The following SIGLEC14 variants were observed in gnomAD, a reference collection of about 807,000 sequenced individuals.
The protein encoded by SIGLEC14 is sialic acid binding Ig like lectin 14, also known as sialic acid-binding Ig-like lectin 14.
Under a neutral mutation model 34.2 loss-of-function variants are expected in SIGLEC14, and 11 were observed. The observed-to-expected ratio is 0.32, with a 90% confidence interval of 0.20 to 0.53. SIGLEC14 has a LOEUF of 0.53. SIGLEC14 is among the 20% of genes least tolerant of loss of function. SIGLEC14 has a pLI of 0.95. For missense variants in SIGLEC14, 264 were observed against 439.0 expected, an observed-to-expected ratio of 0.60 and a Z score of 3.56; for synonymous variants, 99 against 179.7, an observed-to-expected ratio of 0.55 and a Z score of 3.59.
At chr19:51,645,346 G>T in intron 4 of SIGLEC14, 131 bp downstream of exon 4, 2 of 731,488 alleles carry the variant, frequency 2.7e-6, no homozygotes, top group South Asian at 1.7e-5. Flanking sequence ...GACTGGGATT[G>T]GGGGGTTGGG....
Position 51,640,817 on chromosome 19 carries a change from CA to C in SIGLEC14, c.*2537del, listed in dbSNP as rs1257886981. On this transcript the variant is annotated 3_prime_UTR_variant, in exon 7 of 7. Transcript: ENST00000360844. ...GGTGAAACCTTGTCTCTACTAAATACAAAAAAAACTAGCCAGGCGTGATGGT... is the reference window on the plus strand; with the variant it reads ...GGTGAAACCTTGTCTCTACTAAATACAAAAAAACTAGCCAGGCGTGATGGT... Among the ~76,000 whole-genome samples the C allele has an allele frequency of 3.6e-5, 5 of 137,000 alleles. No homozygotes were observed. Among genetic ancestry groups the C allele is most frequent in the South Asian group, 2.5e-4 (1 of 4,008 alleles). 89.9% of individuals were successfully genotyped at this position (137,000 alleles called of 152,430 possible). A position where few individuals can be genotyped will look rare whatever the true frequency, so the allele number is the denominator to read the frequency against.
At position 51,640,276 on chromosome 19, in the gene SIGLEC14, C is replaced by T. The variant is rs76083662; in HGVS notation, c.*3079G>A. Among the ~76,000 whole-genome samples, 7,071 of 138,534 alleles carry T rather than the reference C, an allele frequency of 0.051. 1,141 individuals are homozygous for T. The highest frequency in any genetic ancestry group is 0.14 in the South Asian group (554 of 4,082). The allele number at this position is 138,534 out of a possible 152,430, so 90.9% of individuals were successfully genotyped here. ...GGATAAAAGAAAATAGATTCTGGAA[C>T]GGGAGTCAATATTTGGGGAAAGGCA... On this transcript the variant is annotated 3_prime_UTR_variant, in exon 7 of 7. Transcript: ENST00000360844.
rs143608387 is a variant in SIGLEC14, at chr19:51,640,270, C to G, written c.*3085G>C. On this transcript the variant is annotated 3_prime_UTR_variant, in exon 7 of 7. Transcript: ENST00000360844. ...GAAATGGGATAAAAGAAAATAGATT[C>G]TGGAACGGGAGTCAATATTTGGGGA... 3.2e-3 allele frequency among the ~76,000 whole-genome samples: 440 copies of G among 139,110 alleles called. 63 individuals are homozygous for G. Among genetic ancestry groups the G allele is most frequent in the South Asian group, 9.5e-3 (39 of 4,100 alleles). 91.3% of individuals were successfully genotyped at this position (139,110 alleles called of 152,430 possible). A position where few individuals can be genotyped will look rare whatever the true frequency, so the allele number is the denominator to read the frequency against.
At position 51,645,530 on chromosome 19, in the gene SIGLEC14, T is replaced by C; in HGVS notation, c.701A>G (p.Tyr234Cys). The C allele has an allele frequency of 6.5e-7, 1 of 1,531,850 alleles. No individual in the cohort carries two copies. Among genetic ancestry groups the C allele is most frequent in the South Asian group, 1.2e-5 (1 of 83,226 alleles). 94.9% of individuals were successfully genotyped at this position (1,531,850 alleles called of 1,614,324 possible). A position where few individuals can be genotyped will look rare whatever the true frequency, so the allele number is the denominator to read the frequency against. The change falls in exon 4 of 7, where the codon TAT becomes TGT. Residue 234 changes from tyrosine (Y) to cysteine (C), a missense_variant and splice_region_variant. By Grantham distance (194) the Tyr-to-Cys change is radical. Around this residue, in one of 5 missense-constraint regions of SIGLEC14, gnomAD observed 45 missense variants for 96.7 expected, o/e 0.47. Transcript: ENST00000360844. ...GCTGATGGCGAGGTTCTGTGGAGCA[T>C]CTGGGATAGAAAGATACAGCACCAG... is the stretch of plus-strand genomic sequence containing the variant. The part of the protein sequence containing the change: ...TERTVQLNVS[Y>C]APQNLAISIF...
Position 51,643,805 on chromosome 19 carries a change from T to A in SIGLEC14, c.986A>T (p.His329Leu), listed in dbSNP as rs766785830. Residue 329 changes from histidine to leucine, a missense_variant, in exon 5 of 7, where the codon CAC (histidine) becomes CTC (leucine). His to Leu is a moderately conservative substitution (Grantham distance 99). Transcript: ENST00000360844. ...CTGCACAGAAAGGATGAAGGACAGG[T>A]GCTGGGAGCCCAGCGGATGCTGAAC... is the stretch of plus-strand genomic sequence containing the variant. ...CRVQHPLGSQ[H>L]LSFILSVQRS... The A allele has an allele frequency of 1.3e-6, 2 of 1,525,108 alleles. No individual in the cohort carries two copies. Among genetic ancestry groups the A allele is most frequent in the Non-Finnish European group, 1.8e-6 (2 of 1,136,090 alleles). The allele number at this position is 1,525,108 out of a possible 1,614,324, so 94.5% of individuals were successfully genotyped here.
intron 6 of SIGLEC14, 57 bp from the exon 7 acceptor site, chr19:51,643,454 G>A: frequency 7.1e-7 from 1 of 1,415,310 alleles, no homozygotes; most frequent in Non-Finnish European, 9.3e-7. Flanking sequence ...CTAATTCCAG[G>A]TGGGGCTGAG....
In SIGLEC14 at chr19:51,643,622, G is replaced by A; in HGVS notation, c.1063C>T (p.Pro355Ser). ...CCCCTGATCAGGGTGAGGACGAGGGGCCAGGAGCCCTGCTGTTTCTCAGTT... is the reference window on the plus strand; with the variant it reads ...CCCCTGATCAGGGTGAGGACGAGGGACCAGGAGCCCTGCTGTTTCTCAGTT... ...CVTEKQQGSW[P>S]LVLTLIRGAL... Residue 355 changes from proline (P) to serine (S), a missense_variant, in exon 6 of 7, where the codon CCC becomes TCC. By Grantham distance (74) the Pro-to-Ser change is moderately conservative. Transcript: ENST00000360844. The A allele has an allele frequency of 6.5e-7, 1 of 1,531,018 alleles. No individual in the cohort carries two copies. Among genetic ancestry groups the A allele is most frequent in the South Asian group, 1.2e-5 (1 of 83,198 alleles). The allele number at this position is 1,531,018 out of a possible 1,614,324, so 94.8% of individuals were successfully genotyped here. A position where few individuals can be genotyped will look rare whatever the true frequency, so the allele number is the denominator to read the frequency against.
chr19:51,644,257 A>G (rs1338619672), intron 4 of SIGLEC14, among the ~76,000 whole-genome samples: 1 of 138,090 alleles, frequency 7.2e-6, no homozygotes, highest in African/African-American at 2.8e-5. Flanking sequence ...CACATTAAGG[A>G]GAAGTGGATG....
rs1247473120 is a variant in SIGLEC14 at position 51,645,765 on chromosome 19, T to C, written c.700+17A>G. On this transcript the variant is annotated intron_variant, in intron 3 of 6. Transcript: ENST00000360844. ...CACTGCCCTTGGGGACTCAGCTGTG[T>C]CCCCAGCACCACTCACAGGAGACAT... The C allele has an allele frequency of 6.6e-7, 1 of 1,522,218 alleles. No homozygotes were observed. Among genetic ancestry groups the C allele is most frequent in the Admixed American group, 1.8e-5 (1 of 57,030 alleles). 94.3% of individuals were successfully genotyped at this position (1,522,218 alleles called of 1,614,324 possible). A position where few individuals can be genotyped will look rare whatever the true frequency, so the allele number is the denominator to read the frequency against.
rs767307135 is a variant in SIGLEC14 at position 51,643,439 on chromosome 19, C to T, written c.1149-42G>A. On this transcript the variant is annotated intron_variant, in intron 6 of 6. Coordinates refer to ENST00000360844, the MANE Select transcript of SIGLEC14 (RefSeq NM_001098612.3). ...GGCCTCAGATCAGCACCAGCCACTT[C>T]AGTTCTAATTCCAGGTGGGGCTGAG... 7 of 1,448,392 alleles carry T rather than the reference C, an allele frequency of 4.8e-6. 1 individual carries two copies. The highest frequency in any genetic ancestry group is 6.4e-6 in the Non-Finnish European group (7 of 1,098,512). 89.7% of individuals were successfully genotyped at this position (1,448,392 alleles called of 1,614,324 possible).
Position 51,640,930 on chromosome 19 carries a change from G to A in SIGLEC14, c.*2425C>T, listed in dbSNP as rs189046164. ...GCGGAGGTTGCAGTGAGCCAAGATC[G>A]CGCCATTGCACTCCAGCCTGGGCAA... is the stretch of plus-strand genomic sequence containing the variant. On this transcript the variant is annotated 3_prime_UTR_variant, in exon 7 of 7. Transcript: ENST00000360844. 0.011 allele frequency among the ~76,000 whole-genome samples: 1,524 copies of A among 139,002 alleles called. 212 individuals carry two copies. Among genetic ancestry groups the A allele is most frequent in the Non-Finnish European group, 0.017 (1,112 of 64,874 alleles). The allele number at this position is 139,002 out of a possible 152,430, so 91.2% of individuals were successfully genotyped here.
Position 51,640,572 on chromosome 19 carries a change from A to G in SIGLEC14, c.*2783T>C, listed in dbSNP as rs78196455. ...CTTAAAGGATGTGAAAATGCATACT[A>G]TGCAAATACTAGTCAAAAGAAAACT... On this transcript the variant is annotated 3_prime_UTR_variant, in exon 7 of 7. Coordinates refer to ENST00000360844, the MANE Select transcript of SIGLEC14 (RefSeq NM_001098612.3). 4.9e-3 allele frequency among the ~76,000 whole-genome samples: 689 copies of G among 139,994 alleles called. 112 individuals are homozygous for G. The highest frequency in any genetic ancestry group is 0.018 in the African/African-American group (660 of 37,032). 91.8% of individuals were successfully genotyped at this position (139,994 alleles called of 152,430 possible).
intron 6 of SIGLEC14, 67 bp downstream of exon 6, chr19:51,643,470 C>G: frequency 1.5e-6 from 2 of 1,290,872 alleles, no homozygotes; most frequent in Non-Finnish European, 2.0e-6. Context: ...CTGAGCTGTC[C>G]TGGGGCAGGA....
In SIGLEC14 at chr19:51,640,228, G is replaced by GA. The variant is rs985029536; in HGVS notation, c.*3126dup. Among the ~76,000 whole-genome samples the GA allele has an allele frequency of 2.2e-5, 3 of 138,502 alleles. No individual in the cohort carries two copies. The highest frequency in any genetic ancestry group is 7.0e-5 in the Admixed American group (1 of 14,354). 90.9% of individuals were successfully genotyped at this position (138,502 alleles called of 152,430 possible). ...TTACAAGTTATAAGCTTTGAATGGG[G>GA]AAAAAAAACTACTTGGGAAATGGGA... On this transcript the variant is annotated 3_prime_UTR_variant, in exon 7 of 7. Coordinates refer to ENST00000360844, the MANE Select transcript of SIGLEC14 (RefSeq NM_001098612.3).
At chr19:51,645,079 G>C (rs1253345750) in intron 4 of SIGLEC14, among the ~76,000 whole-genome samples, 2 of 138,390 alleles carry the variant, frequency 1.4e-5, no homozygotes, top group South Asian at 2.5e-4. Context: ...CTGCTCGGTG[G>C]CAGGAGGGGG....
In SIGLEC14 at chr19:51,644,940, A is replaced by G. The variant is rs1281572688; in HGVS notation, c.754+537T>C. Among the ~76,000 whole-genome samples the G allele has an allele frequency of 5.8e-5, 8 of 137,314 alleles. 3 individuals carry two copies. The East Asian group carries it at 2.4e-3, about 42-fold the overall frequency. The allele number at this position is 137,314 out of a possible 152,430, so 90.1% of individuals were successfully genotyped here. On this transcript the variant is annotated intron_variant, in intron 4 of 6. Coordinates refer to ENST00000360844, the MANE Select transcript of SIGLEC14 (RefSeq NM_001098612.3). The stretch of plus-strand genomic sequence containing the variant: ...GAGGTGGGAAAGTCGAAGGCTCCCA[A>G]AAAGGACGATCAGTTAGAGATGAAG...
Position 51,643,819 on chromosome 19 carries a change from C to T in SIGLEC14, c.972G>A (p.Pro324=), listed in dbSNP as rs755305403. 7 of 1,527,986 alleles carry T rather than the reference C, an allele frequency of 4.6e-6. 1 individual carries two copies. Among genetic ancestry groups the T allele is most frequent in the South Asian group, 1.2e-5 (1 of 82,546 alleles). 94.7% of individuals were successfully genotyped at this position (1,527,986 alleles called of 1,614,324 possible). A position where few individuals can be genotyped will look rare whatever the true frequency, so the allele number is the denominator to read the frequency against. The part of the protein sequence containing the change: ...GGEFTCRVQH[P]LGSQHLSFIL... ...TGAAGGACAGGTGCTGGGAGCCCAG[C>T]GGATGCTGAACCCGGCAGGTGAATT... The change falls in exon 5 of 7, where the codon CCG becomes CCA. Residue 324 remains proline (P), a synonymous_variant. Transcript: ENST00000360844.
Position 51,641,365 on chromosome 19 carries a change from T to C in SIGLEC14, c.*1990A>G, listed in dbSNP as rs1050180425. ...GTGAAAGTGAAAGTTAGTTCAGCCATTGTGGAAGACAGTGTGGCGATTCCT... is the reference window on the plus strand; with the variant it reads ...GTGAAAGTGAAAGTTAGTTCAGCCACTGTGGAAGACAGTGTGGCGATTCCT... On this transcript the variant is annotated 3_prime_UTR_variant, in exon 7 of 7. Coordinates refer to ENST00000360844, the MANE Select transcript of SIGLEC14 (RefSeq NM_001098612.3). 7.2e-6 allele frequency among the ~76,000 whole-genome samples: 1 copy of C among 139,518 alleles called. No individual in the cohort carries two copies. Among genetic ancestry groups the C allele is most frequent in the African/African-American group, 2.7e-5 (1 of 36,812 alleles). The allele number at this position is 139,518 out of a possible 152,430, so 91.5% of individuals were successfully genotyped here. A position where few individuals can be genotyped will look rare whatever the true frequency, so the allele number is the denominator to read the frequency against.
At position 51,642,387 on chromosome 19, in the gene SIGLEC14, C is replaced by T. The variant is rs1283660361; in HGVS notation, c.*968G>A. 1.4e-5 allele frequency among the ~76,000 whole-genome samples: 2 copies of T among 138,348 alleles called. 1 individual carries two copies. The allele number at this position is 138,348 out of a possible 152,430, so 90.8% of individuals were successfully genotyped here. The stretch of plus-strand genomic sequence containing the variant: ...ACAGAACCTGACAATACAGGTATTG[C>T]CTTCTTGTATATGGACAGAAGGAGA... On this transcript the variant is annotated 3_prime_UTR_variant, in exon 7 of 7. Transcript: ENST00000360844.
Sources: allele counts gnomAD v4.1 joint callset (sites outside exome capture counted in the v4.1 genomes callset), GRCh38; gene constraint gnomAD v4.1.1; regional missense constraint gnomAD v4.1.1; transcripts MANE v1.5; gene names NCBI Gene and HGNC (gene_info 2026-07-23, HGNC 2026-07-21).